The following VPS37A variants were observed in gnomAD, a reference collection of about 807,000 sequenced individuals.
The protein encoded by VPS37A is vacuolar protein sorting-associated protein 37A.
In VPS37A, 30 loss-of-function variants were observed where a neutral mutation model predicts 49.8. The ratio of observed to expected loss-of-function variants is 0.60; its 90% confidence interval spans 0.45 to 0.82. VPS37A has a LOEUF of 0.82. Ranked by LOEUF, VPS37A falls within the 40% of genes least tolerant of loss-of-function variation. VPS37A has a pLI of 0.00. For synonymous variants in VPS37A, 195 were observed against 160.6 expected, an observed-to-expected ratio of 1.21 and a Z score of -1.62; for missense variants, 593 against 464.4, an observed-to-expected ratio of 1.28 and a Z score of -2.55.
At chr8:17,254,671 C>A (rs914492193) in intron 1 of VPS37A, among the ~76,000 whole-genome samples, 1 of 151,582 alleles carries the variant, frequency 6.6e-6, no homozygotes, top group Middle Eastern at 3.4e-3. Flanking sequence ...TACATGTAAT[C>A]CTTTCTGTTT....
chr8:17,247,166 C>T lies in VPS37A; in HGVS notation c.-79C>T. 1.3e-6 allele frequency: 2 copies of T among 1,543,310 alleles called. No individual in the cohort carries two copies. Among genetic ancestry groups the T allele is most frequent in the Non-Finnish European group, 1.7e-6 (2 of 1,144,268 alleles). ...GACGTCCCACCCCGCTCCTCTGTCG[C>T]TGGAGAACCGCCGGGCCGAGCCACT... On this transcript the variant is annotated 5_prime_UTR_variant, in exon 1 of 12. Transcript: ENST00000324849.
At chr8:17,261,658 G>C (rs1218118649) in intron 1 of VPS37A, among the ~76,000 whole-genome samples, 2 of 151,936 alleles carry the variant, frequency 1.3e-5, no homozygotes, top group Admixed American at 6.6e-5. Flanking sequence ...CCTCCTTTTT[G>C]GTTCTCAGTG....
At chr8:17,250,145 A>T (rs1253268151) in intron 1 of VPS37A, among the ~76,000 whole-genome samples, 3 of 152,104 alleles carry the variant, frequency 2.0e-5, no homozygotes, top group African/African-American at 7.2e-5. Flanking sequence ...CGCCCAGGGG[A>T]GGAGGAATTC....
chr8:17,290,800 T>C (rs533518751), intron 11 of VPS37A, among the ~76,000 whole-genome samples: 2 of 152,310 alleles, frequency 1.3e-5, no homozygotes, highest in Non-Finnish European at 2.9e-5. Context: ...TATGAATCAG[T>C]CTGGTACTGG....
At chr8:17,313,634 G>A in the VPS37A span, among the ~76,000 whole-genome samples, 2 of 152,094 alleles carry the variant, frequency 1.3e-5, no homozygotes, top group African/African-American at 2.4e-5. Flanking sequence ...TTGTTTACAA[G>A]TATTATATAT....
At chr8:17,293,309 C>T (rs1816314867) in intron 11 of VPS37A, among the ~76,000 whole-genome samples, 1 of 151,620 alleles carries the variant, frequency 6.6e-6, no homozygotes, top group Admixed American at 6.6e-5. Context: ...TCAGGTAGGT[C>T]ATTTATTTAT....
chr8:17,248,135 A>G (rs571370287), intron 1 of VPS37A: 9 of 362,006 alleles, frequency 2.5e-5, no homozygotes, highest in East Asian at 7.3e-5. Flanking sequence ...GCAAATGTCT[A>G]TGGTCTCTAA....
chr8:17,278,893 T>G (rs963312602), intron 6 of VPS37A, among the ~76,000 whole-genome samples: 1 of 152,096 alleles, frequency 6.6e-6, no homozygotes, highest in Non-Finnish European at 1.5e-5. Flanking sequence ...TTTTAAATTA[T>G]CCAACGTTTT....
At chr8:17,259,862 T>G (rs570055140) in intron 1 of VPS37A, among the ~76,000 whole-genome samples, 4 of 152,172 alleles carry the variant, frequency 2.6e-5, no homozygotes, top group African/African-American at 4.8e-5. Context: ...ATTTGTAGTC[T>G]GTTTTATTTG....
At chr8:17,313,245 T>C in the VPS37A span, 3 of 1,402,492 alleles carry the variant, frequency 2.1e-6, no homozygotes, top group Admixed American at 1.7e-5. Context: ...TTGAAGTCAG[T>C]GGTTTGCTCA....
At position 17,247,380 on chromosome 8, in the gene VPS37A, G is replaced by C. The variant is rs1405427560; in HGVS notation, c.125+11G>C. 1 of 1,365,122 alleles carries C rather than the reference G, an allele frequency of 7.3e-7. No homozygotes were observed. The highest frequency in any genetic ancestry group is 1.5e-5 in the African/African-American group (1 of 64,828). 84.6% of individuals were successfully genotyped at this position (1,365,122 alleles called of 1,614,324 possible). A position where few individuals can be genotyped will look rare whatever the true frequency, so the allele number is the denominator to read the frequency against. ...GAACTCACACTCCAGGTGACTGGTC[G>C]CTGCCTCTCCACCGGAGGAAAAAGT... On this transcript the variant is annotated intron_variant, in intron 1 of 11. Coordinates refer to ENST00000324849, the MANE Select transcript of VPS37A (RefSeq NM_152415.3).
At chr8:17,262,174 C>T (rs907825438) in intron 1 of VPS37A, among the ~76,000 whole-genome samples, 8 of 152,064 alleles carry the variant, frequency 5.3e-5, no homozygotes, top group Admixed American at 3.3e-4. Flanking sequence ...AGAGTTTTTT[C>T]ACTTCTCTGT....
At chr8:17,269,993 A>G (rs1002298137) in intron 4 of VPS37A, among the ~76,000 whole-genome samples, 2 of 152,176 alleles carry the variant, frequency 1.3e-5, no homozygotes, top group East Asian at 3.9e-4. Context: ...TACTCCCGGT[A>G]GAAGGTAAAG....
the VPS37A span, among the ~76,000 whole-genome samples, chr8:17,319,302 A>G: frequency 1.3e-5 from 2 of 152,202 alleles, no homozygotes; most frequent in Non-Finnish European, 2.9e-5. Context: ...AATAATACCA[A>G]TAAGCATTAC....
chr8:17,260,973 G>C (rs1296795024), intron 1 of VPS37A, among the ~76,000 whole-genome samples: 2 of 152,120 alleles, frequency 1.3e-5, no homozygotes, highest in African/African-American at 2.4e-5. Flanking sequence ...GATTTGTTCA[G>C]TGTATCTGAC....
intron 1 of VPS37A, among the ~76,000 whole-genome samples, chr8:17,251,181 C>T (rs889785817): frequency 1.3e-5 from 2 of 152,120 alleles, no homozygotes; most frequent in Non-Finnish European, 2.9e-5. Flanking sequence ...CATCACCCTT[C>T]CCCCCAAGTT....
Position 17,246,970 on chromosome 8 carries a change from G to T in VPS37A, c.-275G>T. The T allele has an allele frequency of 2.1e-6, 1 of 470,642 alleles. No individual in the cohort carries two copies. Among genetic ancestry groups the T allele is most frequent in the Non-Finnish European group, 3.8e-6 (1 of 262,098 alleles). 29.2% of individuals were successfully genotyped at this position (470,642 alleles called of 1,614,324 possible). On this transcript the variant is annotated 5_prime_UTR_variant, in exon 1 of 12. It adds an upstream start codon to the 5' untranslated region. Coordinates refer to ENST00000324849, the MANE Select transcript of VPS37A (RefSeq NM_152415.3). ...CGGGTGGTGGAGCGCTGGGCGGCCAGGCTCCCTGGCTGGCCGGTTTGGGCG... is the reference window on the plus strand; with the variant it reads ...CGGGTGGTGGAGCGCTGGGCGGCCATGCTCCCTGGCTGGCCGGTTTGGGCG...
In VPS37A at chr8:17,253,865, A is replaced by G. The variant is rs1812197909; in HGVS notation, c.125+6496A>G. Among the ~76,000 whole-genome samples, 8 of 152,340 alleles carry G rather than the reference A, an allele frequency of 5.3e-5. No homozygotes were observed. In the South Asian group the frequency reaches 1.7e-3, roughly 32 times the overall value. On this transcript the variant is annotated intron_variant, in intron 1 of 11. Coordinates refer to ENST00000324849, the MANE Select transcript of VPS37A (RefSeq NM_152415.3). ...CTTTAATGTGCTAAAGTGGATCAGC[A>G]TTCTCCAAGAGACAGCTATAGTATG...
intron 1 of VPS37A, among the ~76,000 whole-genome samples, chr8:17,253,987 G>A (rs1812206674): frequency 6.6e-6 from 1 of 152,102 alleles, no homozygotes; most frequent in African/African-American, 2.4e-5. Flanking sequence ...GTGTAAGTAT[G>A]TGTGTGTGTG....
Sources: allele counts gnomAD v4.1 joint callset (sites outside exome capture counted in the v4.1 genomes callset), GRCh38; gene constraint gnomAD v4.1.1; transcripts MANE v1.5; gene names NCBI Gene and HGNC (gene_info 2026-07-23, HGNC 2026-07-21).